Variants in SLC30A6 observed in about 807,000 individuals in gnomAD.
SLC30A6 encodes the protein zinc transporter 6.
SLC30A6 carries 55 observed loss-of-function variants against 63.0 expected under a neutral mutation model. The observed-to-expected ratio is 0.87, with a 90% CI of 0.70 to 1.09. SLC30A6 has a LOEUF of 1.09. Ranked by LOEUF, SLC30A6 falls within the 50% of genes least tolerant of loss-of-function variation. The probability of loss-of-function intolerance (pLI) is 0.00; values close to 1 mark genes in which losing one functional copy is unlikely to be tolerated. For synonymous variants in SLC30A6, 224 were observed against 186.1 expected (o/e 1.20, Z -1.66); for missense variants, 587 against 549.2 (o/e 1.07, Z -0.69).
In SLC30A6 at chr2:32,212,435, T is replaced by G. The variant is rs541411425; in HGVS notation, c.885+2874T>G. Reference sequence around the variant, plus strand: ...TCTCTTCTTTTCTGTTGCTCATTTTTATGTGAAATTAGTTTTCCTGAACAT... The same window carrying G: ...TCTCTTCTTTTCTGTTGCTCATTTTGATGTGAAATTAGTTTTCCTGAACAT... On this transcript the variant is annotated intron_variant, in intron 13 of 13. Transcript: ENST00000282587. Among the ~76,000 whole-genome samples the G allele has an allele frequency of 7.2e-5, 11 of 152,172 alleles. No individual in the cohort carries two copies. In the East Asian group the frequency reaches 2.1e-3, roughly 29 times the overall value.
Position 32,220,632 on chromosome 2 carries a change from A to G in SLC30A6, c.1305A>G (p.Ala435=). Residue 435 remains alanine, a synonymous_variant, in exon 14 of 14, where the codon GCA becomes GCG. Coordinates refer to ENST00000282587, the MANE Select transcript of SLC30A6 (RefSeq NM_017964.5). ...GACTTGGAGTTCCAGGAATTGGAGC[A>G]ACTCAAGGATTGAGGACTGGTTTTA... is the stretch of plus-strand genomic sequence containing the variant. ...NQGLGVPGIG[A]TQGLRTGFTN... 6.2e-7 allele frequency: 1 copy of G among 1,614,220 alleles called. No individual in the cohort carries two copies.
chr2:32,183,332 G>A (rs1490394500), intron 4 of SLC30A6, among the ~76,000 whole-genome samples: 2 of 152,050 alleles, frequency 1.3e-5, no homozygotes, highest in African/African-American at 4.8e-5. Context: ...TTCCATTTAA[G>A]GATTACAAAA....
rs142319265 is a variant in SLC30A6, at chr2:32,180,605, G to C, written c.219-3668G>C. ...CCACCACCATGCCCGGCTAATTTTTGTATTTTTAGTGGAGATGGGGTTTCA... is the reference window on the plus strand; with the variant it reads ...CCACCACCATGCCCGGCTAATTTTTCTATTTTTAGTGGAGATGGGGTTTCA... On this transcript the variant is annotated intron_variant, in intron 4 of 13. Transcript: ENST00000282587. Among the ~76,000 whole-genome samples, 1,118 of 151,896 alleles carry C rather than the reference G, an allele frequency of 7.4e-3. 3 individuals are homozygous for C. Among genetic ancestry groups the C allele is most frequent in the Middle Eastern group, 0.014 (4 of 294 alleles).
chr2:32,175,919 G>C (rs1347898620), intron 4 of SLC30A6, among the ~76,000 whole-genome samples: 3 of 152,166 alleles, frequency 2.0e-5, no homozygotes, highest in Non-Finnish European at 2.9e-5. Flanking sequence ...GTTGCAGTGA[G>C]CCGAGATTGT....
chr2:32,220,769 A>G lies in SLC30A6; in HGVS notation c.*56A>G. ...TGACTCCTTGGCTTCCAATTTATTT[A>G]GTAATCCAACTTTGCATTGACTGTT... On this transcript the variant is annotated 3_prime_UTR_variant, in exon 14 of 14. Coordinates refer to ENST00000282587, the MANE Select transcript of SLC30A6 (RefSeq NM_017964.5). 1 of 1,482,304 alleles carries G rather than the reference A, an allele frequency of 6.7e-7. No homozygotes were observed. The highest frequency in any genetic ancestry group is 1.3e-5 in the South Asian group (1 of 77,814). 91.8% of individuals were successfully genotyped at this position (1,482,304 alleles called of 1,614,324 possible).
chr2:32,197,173 G>A, intron 8 of SLC30A6, 171 bp from the exon 9 acceptor site: 1 of 592,492 alleles, frequency 1.7e-6, no homozygotes, highest in South Asian at 2.3e-5. Context: ...TTGAATTAGT[G>A]GCATAAGGGC....
intron 10 of SLC30A6, among the ~76,000 whole-genome samples, chr2:32,198,299 C>T (rs1432418425): frequency 6.6e-6 from 1 of 152,104 alleles, no homozygotes; most frequent in Non-Finnish European, 1.5e-5. Context: ...ATTGTTCTTG[C>T]TGTTTTATGT....
At position 32,202,083 on chromosome 2, in the gene SLC30A6, G is replaced by A. The variant is rs1027167075; in HGVS notation, c.666-2507G>A. The stretch of plus-strand genomic sequence containing the variant: ...CTACTCATGAATCAAGTGATAAGAA[G>A]CTAGAGGAGACCTTAACACATGAAC... On this transcript the variant is annotated intron_variant, in intron 10 of 13. Coordinates refer to ENST00000282587, the MANE Select transcript of SLC30A6 (RefSeq NM_017964.5). 9 of 798,468 alleles carry A rather than the reference G, an allele frequency of 1.1e-5. No homozygotes were observed. In the African/African-American group the frequency reaches 1.4e-4, roughly 12 times the overall value. The allele number at this position is 798,468 out of a possible 1,614,324, so 49.5% of individuals were successfully genotyped here.
At chr2:32,192,314 C>T (rs1558396961) in intron 5 of SLC30A6, 22 bp from the exon 6 acceptor site, 2 of 1,606,988 alleles carry the variant, frequency 1.2e-6, no homozygotes, top group Admixed American at 3.3e-5. Context: ...TTGTGATGAT[C>T]TAATTAATGT....
chr2:32,185,775 A>G (rs943146236), intron 5 of SLC30A6, among the ~76,000 whole-genome samples: 4 of 152,100 alleles, frequency 2.6e-5, no homozygotes, highest in African/African-American at 9.7e-5. Context: ...GCTGGAGTGC[A>G]GTGGCATGAT....
At position 32,187,769 on chromosome 2, in the gene SLC30A6, C is replaced by T. The variant is rs1340765567; in HGVS notation, c.284+3431C>T. ...AGTAAATACCATCAGCACTCTGTTGCTCAAACAAAAAATTCTGGGAATTTC... is the reference window on the plus strand; with the variant it reads ...AGTAAATACCATCAGCACTCTGTTGTTCAAACAAAAAATTCTGGGAATTTC... On this transcript the variant is annotated intron_variant, in intron 5 of 13. Transcript: ENST00000282587. Among the ~76,000 whole-genome samples the T allele has an allele frequency of 8.5e-5, 13 of 152,260 alleles. No homozygotes were observed. In the East Asian group the frequency reaches 2.5e-3, roughly 29 times the overall value.
At chr2:32,202,936 G>C (rs1684422062) in intron 10 of SLC30A6, 6 of 1,118,924 alleles carry the variant, frequency 5.4e-6, no homozygotes, top group Non-Finnish European at 6.9e-6. Context: ...GCAGTTACTG[G>C]AGATGTCCTT....
intron 13 of SLC30A6, among the ~76,000 whole-genome samples, chr2:32,219,885 T>C (rs1686023097): frequency 6.6e-6 from 1 of 152,250 alleles, no homozygotes; most frequent in Non-Finnish European, 1.5e-5. Context: ...TCTTTTGAAG[T>C]CCTCTTCAAT....
chr2:32,210,241 G>C (rs1685135851), intron 13 of SLC30A6, among the ~76,000 whole-genome samples: 1 of 152,076 alleles, frequency 6.6e-6, no homozygotes, highest in South Asian at 2.1e-4. Flanking sequence ...GCTGGGCGTG[G>C]TAGCTCACGC....
chr2:32,224,323 G>A lies in SLC30A6; in HGVS notation c.*3610G>A. 1.7e-6 allele frequency: 1 copy of A among 587,870 alleles called. No homozygotes were observed. The allele number at this position is 587,870 out of a possible 1,614,324, so 36.4% of individuals were successfully genotyped here. On this transcript the variant is annotated 3_prime_UTR_variant, in exon 14 of 14. Transcript: ENST00000282587. Reference sequence around the variant, plus strand: ...CCGATAATCCTAGTAGGAGAGCTAAGACACAAAACTGTTGCATGTTTTTAA... The same window carrying A: ...CCGATAATCCTAGTAGGAGAGCTAAAACACAAAACTGTTGCATGTTTTTAA...
intron 5 of SLC30A6, among the ~76,000 whole-genome samples, chr2:32,191,653 A>C (rs1177121555): frequency 6.6e-6 from 1 of 152,232 alleles, no homozygotes; most frequent in African/African-American, 2.4e-5. Flanking sequence ...TTTGAGTTTG[A>C]AAACCTTCTA....
chr2:32,204,583 CT>C lies in SLC30A6; in HGVS notation c.666-3del. 1 of 1,597,086 alleles carries C rather than the reference CT, an allele frequency of 6.3e-7. No homozygotes were observed. The highest frequency in any genetic ancestry group is 8.6e-7 in the Non-Finnish European group (1 of 1,167,360). ...ATTTAAAATTTAGAATTGTTTTTTC[CT>C]TTTAGTAATTATTTTGCCGTAGACA... On this transcript the variant is annotated splice_polypyrimidine_tract_variant and splice_region_variant and intron_variant, in intron 10 of 13. Transcript: ENST00000282587.
At chr2:32,202,154 T>C in intron 10 of SLC30A6, 1 of 759,996 alleles carries the variant, frequency 1.3e-6, no homozygotes, top group Non-Finnish European at 2.1e-6. Flanking sequence ...GAAGAGACTA[T>C]AAAGCTTCTG....
chr2:32,166,915 G>C (rs563393555), intron 1 of SLC30A6, among the ~76,000 whole-genome samples: 1 of 151,912 alleles, frequency 6.6e-6, no homozygotes, highest in South Asian at 2.1e-4. Flanking sequence ...ATTCACCATT[G>C]TGAAGCCTGT....
Sources: gnomAD v4.1 joint callset for allele counts (sites outside exome capture counted in the v4.1 genomes callset) on GRCh38, gnomAD v4.1.1 for gene constraint, MANE v1.5 for transcripts, NCBI Gene and HGNC (gene_info 2026-07-23, HGNC 2026-07-21) for gene names.